XKR9: variants seen among roughly 807,000 people sequenced by gnomAD.
XKR9 encodes XK-related protein 9.
Under a neutral mutation model 32.0 loss-of-function variants are expected in XKR9, and 32 were observed. The observed-to-expected ratio is 1.00, with a 90% confidence interval of 0.76 to 1.34. The LOEUF (loss-of-function observed/expected upper bound fraction) is 1.34. Among genes scored for constraint, XKR9 ranks in the 40% most tolerant of loss-of-function variants. The pLI is 0.00. For missense variants in XKR9, 546 were observed against 429.7 expected, an observed-to-expected ratio of 1.27 and a Z score of -2.39; for synonymous variants, 168 against 143.4, an observed-to-expected ratio of 1.17 and a Z score of -1.22.
intron 4 of XKR9, among the ~76,000 whole-genome samples, chr8:70,725,739 C>G (rs1395029567): frequency 6.6e-6 from 1 of 152,030 alleles, no homozygotes; most frequent in Admixed American, 6.6e-5. Context: ...AACCCTGTCT[C>G]TACTAAAAAT....
chr8:70,835,057 C>G, the XKR9 span, among the ~76,000 whole-genome samples: 1 of 152,074 alleles, frequency 6.6e-6, no homozygotes, highest in African/African-American at 2.4e-5. Flanking sequence ...AACTTTGTTT[C>G]TTTAACTGCC....
At chr8:70,687,641 A>G (rs1372463064) in intron 3 of XKR9, among the ~76,000 whole-genome samples, 3 of 152,124 alleles carry the variant, frequency 2.0e-5, no homozygotes, top group African/African-American at 7.2e-5. Flanking sequence ...AAGTGCTGGG[A>G]TTACAAGCAT....
the XKR9 span, among the ~76,000 whole-genome samples, chr8:70,828,808 TAA>T: frequency 6.6e-6 from 1 of 151,936 alleles, no homozygotes; most frequent in Non-Finnish European, 1.5e-5. Flanking sequence ...ACATGAAGGT[TAA>T]GTTATCCCAA....
chr8:70,870,591 G>T, the XKR9 span, among the ~76,000 whole-genome samples: 30 of 152,220 alleles, frequency 2.0e-4, no homozygotes, highest in African/African-American at 6.5e-4. Context: ...TCCAAAAGTC[G>T]GTAATTTGCC....
downstream of XKR9, among the ~76,000 whole-genome samples, chr8:70,792,863 A>G (rs191254584): frequency 3.8e-4 from 58 of 152,292 alleles, 1 homozygote; most frequent in East Asian, 0.01. Context: ...GAAGAAAGCT[A>G]TCTATGTACC....
At chr8:70,719,835 A>G (rs1806216678) in intron 4 of XKR9, among the ~76,000 whole-genome samples, 1 of 152,174 alleles carries the variant, frequency 6.6e-6, no homozygotes, top group South Asian at 2.1e-4. Context: ...AAAGAAAGTC[A>G]GTGGTACCTT....
At chr8:71,054,549 G>A in the XKR9 span, among the ~76,000 whole-genome samples, 7 of 152,150 alleles carry the variant, frequency 4.6e-5, no homozygotes, top group Admixed American at 1.3e-4. Flanking sequence ...CTCAATGACT[G>A]TGCTAAGCTT....
At chr8:70,799,519 A>T in the XKR9 span, among the ~76,000 whole-genome samples, 1 of 152,024 alleles carries the variant, frequency 6.6e-6, no homozygotes, top group Non-Finnish European at 1.5e-5. Context: ...TTTAGTAGAG[A>T]CAGGGTTTCA....
the XKR9 span, among the ~76,000 whole-genome samples, chr8:70,893,089 C>G: frequency 6.6e-6 from 1 of 151,784 alleles, no homozygotes; most frequent in Non-Finnish European, 1.5e-5. Flanking sequence ...CTTCAGAGAC[C>G]TTTTTCTCTT....
chr8:71,000,361 C>A, the XKR9 span, among the ~76,000 whole-genome samples: 1 of 152,116 alleles, frequency 6.6e-6, no homozygotes, highest in Admixed American at 6.5e-5. Context: ...ATGTAGTGAG[C>A]CACTAGCTTA....
chr8:70,967,782 T>C, the XKR9 span, among the ~76,000 whole-genome samples: 1 of 152,140 alleles, frequency 6.6e-6, no homozygotes, highest in Non-Finnish European at 1.5e-5. Context: ...TTCTGGCTTG[T>C]AGGGTTTCTG....
chr8:71,037,379 C>T, the XKR9 span, among the ~76,000 whole-genome samples: 1 of 152,160 alleles, frequency 6.6e-6, no homozygotes, highest in Admixed American at 6.5e-5. Flanking sequence ...CAAAGGACTG[C>T]AGGAAAAAGC....
At chr8:70,714,165 G>T (rs1437540344) in intron 4 of XKR9, among the ~76,000 whole-genome samples, 4 of 152,072 alleles carry the variant, frequency 2.6e-5, no homozygotes, top group Non-Finnish European at 5.9e-5. Context: ...TAATGGATTA[G>T]GGCCTCACCA....
At chr8:70,863,647 T>C in the XKR9 span, among the ~76,000 whole-genome samples, 1 of 152,142 alleles carries the variant, frequency 6.6e-6, no homozygotes, top group African/African-American at 2.4e-5. Context: ...TGTAAATTGA[T>C]TTTACAGGGG....
At chr8:70,748,443 G>A (rs1344500598) in intron 2 of XKR9, among the ~76,000 whole-genome samples, 1 of 152,260 alleles carries the variant, frequency 6.6e-6, no homozygotes, top group African/African-American at 2.4e-5. Flanking sequence ...AAGCCTGGGT[G>A]CTATTGTGAC....
intron 2 of XKR9, among the ~76,000 whole-genome samples, chr8:70,775,699 C>T (rs1807508837): frequency 1.3e-5 from 2 of 151,404 alleles, no homozygotes; most frequent in Admixed American, 1.3e-4. Flanking sequence ...AATTGGCTTG[C>T]ACTTTTATTA....
chr8:70,707,413 T>A (rs1387158434), intron 4 of XKR9, among the ~76,000 whole-genome samples: 1 of 152,056 alleles, frequency 6.6e-6, no homozygotes, highest in Non-Finnish European at 1.5e-5. Context: ...GTCCTTTTTT[T>A]TCTTTTTTCT....
the XKR9 span, among the ~76,000 whole-genome samples, chr8:71,019,812 G>T: frequency 6.6e-6 from 1 of 152,170 alleles, no homozygotes; most frequent in South Asian, 2.1e-4. Context: ...TGAAGGCTAA[G>T]TACTTTACCT....
At chr8:70,896,368 A>G in the XKR9 span, among the ~76,000 whole-genome samples, 1 of 152,084 alleles carries the variant, frequency 6.6e-6, no homozygotes, top group East Asian at 1.9e-4. Flanking sequence ...AATTTCTTTA[A>G]TATATACAGT....
Sources: allele counts gnomAD v4.1 joint callset (sites outside exome capture counted in the v4.1 genomes callset), GRCh38; gene constraint gnomAD v4.1.1; transcripts MANE v1.5; gene names NCBI Gene and HGNC (gene_info 2026-07-23, HGNC 2026-07-21).